PHKA1: variants seen among roughly 807,000 people sequenced by gnomAD.
PHKA1 encodes the protein phosphorylase b kinase regulatory subunit alpha, skeletal muscle isoform.
A neutral mutation model predicts 110.2 loss-of-function variants in PHKA1; 60 were observed. The ratio of observed to expected loss-of-function variants is 0.54; its 90% confidence interval spans 0.44 to 0.68. PHKA1 has a LOEUF of 0.68. Among genes scored for constraint, PHKA1 ranks in the 30% least tolerant of loss-of-function variants. The pLI, the probability that PHKA1 is intolerant of heterozygous loss-of-function variation, is 0.00. For synonymous variants in PHKA1, 316 were observed against 333.6 expected (o/e 0.95, Z 0.58); for missense variants, 801 against 942.5 (o/e 0.85, Z 1.97).
At chrX:72,642,561 G>T (rs1268837609) in intron 14 of PHKA1, among the ~76,000 whole-genome samples, 1 of 110,897 alleles carries the variant, frequency 9.0e-6, no homozygotes, top group African/African-American at 3.3e-5. Flanking sequence ...CTGGAGACTA[G>T]AAGTGCATTA....
chrX:72,666,264 T>C lies in PHKA1; in HGVS notation c.751A>G (p.Thr251Ala), dbSNP rs1318462080. Residue 251 changes from threonine (T) to alanine (A), a missense_variant, in exon 8 of 32, where the codon ACA (threonine) becomes GCA (alanine). Physicochemically the swap from Thr to Ala is moderately conservative, Grantham distance 58 (BLOSUM62 0). This residue lies in a region of PHKA1 where 299 missense variants were observed against 423.3 expected (regional missense o/e 0.71). Transcript: ENST00000373542. ...AGACTAGCATCAACCTCTTTTGATG[T>C]TGAAGCACGGGGCAGTAGTGAATTT... ...ILNSLLPRAS[T>A]SKEVDASLLS... The C allele has an allele frequency of 5.0e-6, 6 of 1,208,115 alleles. No individual in the cohort carries two copies. The highest frequency in any genetic ancestry group is 6.7e-6 in the Non-Finnish European group (6 of 893,491).
intron 29 of PHKA1, among the ~76,000 whole-genome samples, chrX:72,589,961 G>A (rs1387208867): frequency 4.5e-5 from 5 of 111,388 alleles, no homozygotes; most frequent in African/African-American, 1.3e-4. Flanking sequence ...CATGCTCATG[G>A]ATAGGAAGAA....
At chrX:72,650,332 C>G in intron 13 of PHKA1, 58 bp downstream of exon 13, 2 of 923,500 alleles carry the variant, frequency 2.2e-6, no homozygotes, top group Non-Finnish European at 3.1e-6. Flanking sequence ...CTAAAGATCT[C>G]TGCCCATAAC....
At chrX:72,655,359 G>A (rs1360705399) in intron 10 of PHKA1, among the ~76,000 whole-genome samples, 1 of 111,850 alleles carries the variant, frequency 8.9e-6, no homozygotes, top group Admixed American at 9.4e-5. Context: ...GCTGCAGTGA[G>A]CCATGATCAC....
intron 23 of PHKA1, 125 bp downstream of exon 23, chrX:72,609,499 T>C: frequency 1.8e-6 from 1 of 560,169 alleles, no homozygotes; most frequent in Non-Finnish European, 3.3e-6. Flanking sequence ...ATTCTTCCAC[T>C]AGGTGTCTCT....
chrX:72,588,846 T>G (rs1466321715), intron 29 of PHKA1, among the ~76,000 whole-genome samples: 1 of 111,857 alleles, frequency 8.9e-6, no homozygotes, highest in African/African-American at 3.3e-5. Context: ...GATAAATTCC[T>G]GGACACACAC....
At chrX:72,626,690 A>T (rs1368904204) in intron 17 of PHKA1, among the ~76,000 whole-genome samples, 1 of 111,899 alleles carries the variant, frequency 8.9e-6, no homozygotes, top group Non-Finnish European at 1.9e-5. Context: ...TAAATTAAGC[A>T]TAGTAAGAGC....
chrX:72,609,663 A>G lies in PHKA1; in HGVS notation c.2567T>C (p.Val856Ala), dbSNP rs2052778271. 1.7e-6 allele frequency: 2 copies of G among 1,205,258 alleles called. No individual in the cohort carries two copies. Among genetic ancestry groups the G allele is most frequent in the African/African-American group, 3.5e-5 (2 of 57,101 alleles). Residue 856 changes from valine (V) to alanine (A), a missense_variant, in exon 23 of 32, where the codon GTA (valine) becomes GCA (alanine). Around this residue, in one of 2 missense-constraint regions of PHKA1, gnomAD observed 502 missense variants for 519.2 expected, o/e 0.97. Transcript: ENST00000373542. The stretch of plus-strand genomic sequence containing the variant: ...TTCTCGAGGTTCTGGAGGAAGTCCT[A>G]CTGTCAAATGTTTCTGGTGGGAGAG... ...DLLSHQKHLT[V>A]GLPPEPREKT...
chrX:72,626,934 AT>A, intron 17 of PHKA1, 36 bp downstream of exon 17: 1 of 1,060,717 alleles, frequency 9.4e-7, no homozygotes, highest in African/African-American at 1.8e-5. Flanking sequence ...CCTTAATTTC[AT>A]TTCATTTCAC....
chrX:72,672,225 A>G (rs1037315066), intron 6 of PHKA1, among the ~76,000 whole-genome samples: 14 of 111,974 alleles, frequency 1.3e-4, no homozygotes, highest in Non-Finnish European at 2.6e-4. Context: ...CACAGCCCAT[A>G]AAGAACACCC....
chrX:72,707,946 G>A (rs1483701735), intron 2 of PHKA1: 3 of 111,200 alleles, frequency 2.7e-5, no homozygotes, highest in Non-Finnish European at 5.7e-5. Context: ...CAAGAAAGGA[G>A]TCCTGAGAAA....
At position 72,648,114 on chromosome X, in the gene PHKA1, T is replaced by C. The variant is rs1007030251; in HGVS notation, c.1324+2276A>G. On this transcript the variant is annotated intron_variant, in intron 13 of 31. Transcript: ENST00000373542. ...GTTTGGATGAGAAAGAAAGAAGCTATATAGTGTAACTAGAGGGAGATGAAC... is the reference window on the plus strand; with the variant it reads ...GTTTGGATGAGAAAGAAAGAAGCTACATAGTGTAACTAGAGGGAGATGAAC... Among the ~76,000 whole-genome samples, 13 of 111,501 alleles carry C rather than the reference T, an allele frequency of 1.2e-4. No homozygotes were observed. The East Asian group carries it at 2.0e-3, about 17-fold the overall frequency.
chrX:72,665,194 G>A (rs868949246), intron 8 of PHKA1, among the ~76,000 whole-genome samples: 1 of 110,894 alleles, frequency 9.0e-6, no homozygotes. Flanking sequence ...AATAAAATAA[G>A]AAATAAAAAA....
intron 5 of PHKA1, among the ~76,000 whole-genome samples, chrX:72,680,439 T>C (rs1603269778): frequency 8.8e-6 from 1 of 113,111 alleles, no homozygotes; most frequent in Admixed American, 9.2e-5. Flanking sequence ...ACAACATTTT[T>C]ATAGTACTGA....
intron 4 of PHKA1, among the ~76,000 whole-genome samples, chrX:72,686,007 G>A (rs2053962887): frequency 8.9e-6 from 1 of 111,813 alleles, no homozygotes; most frequent in Admixed American, 9.5e-5. Context: ...CATATCTAGA[G>A]CAATTAGATC....
At chrX:72,684,364 A>G in intron 5 of PHKA1, 134 bp downstream of exon 5, 1 of 489,470 alleles carries the variant, frequency 2.0e-6, no homozygotes. Context: ...GAAAGAGGCT[A>G]AAGACAATTT....
intron 18 of PHKA1, 67 bp from the exon 19 acceptor site, chrX:72,620,968 C>A: frequency 9.0e-7 from 1 of 1,105,841 alleles, no homozygotes; most frequent in Non-Finnish European, 1.2e-6. Flanking sequence ...TTACAATCTA[C>A]CCCAGCAAAG....
chrX:72,601,813 A>G (rs1411360865), intron 28 of PHKA1, among the ~76,000 whole-genome samples, 178 bp downstream of exon 28: 13 of 111,855 alleles, frequency 1.2e-4, no homozygotes, highest in Non-Finnish European at 2.4e-4. Context: ...TTCTAAAATT[A>G]ACAAAGTACT....
chrX:72,617,641 T>C (rs1168884922), intron 21 of PHKA1, among the ~76,000 whole-genome samples: 2 of 111,425 alleles, frequency 1.8e-5, no homozygotes, highest in Non-Finnish European at 3.8e-5. Flanking sequence ...GATAAATTTG[T>C]GAACACATAC....
Sources: gnomAD v4.1 joint callset for allele counts (sites outside exome capture counted in the v4.1 genomes callset) on GRCh38, gnomAD v4.1.1 for gene constraint, gnomAD v4.1.1 regional missense constraint, MANE v1.5 for transcripts, NCBI Gene and HGNC (gene_info 2026-07-23, HGNC 2026-07-21) for gene names.